The following SREBF1 variants were observed in gnomAD, a reference collection of about 807,000 sequenced individuals.
SREBF1 encodes sterol regulatory element binding transcription factor 1.
Under a neutral mutation model 100.1 loss-of-function variants are expected in SREBF1, and 45 were observed. That is an observed-to-expected ratio of 0.45 (90% CI 0.35 to 0.58). The LOEUF (loss-of-function observed/expected upper bound fraction) is 0.58. SREBF1 is among the 20% of genes least tolerant of loss of function. The pLI is 0.00. For synonymous variants in SREBF1, 657 were observed against 681.8 expected (o/e 0.96, Z 0.57); for missense variants, 1,324 against 1,539.4 (o/e 0.86, Z 2.34).
At chr17:17,834,025 C>CAGAGAG (rs113396102) in intron 1 of SREBF1, among the ~76,000 whole-genome samples, 67,359 of 146,978 alleles carry the variant, frequency 0.46, 16,894 homozygotes, top group Non-Finnish European at 0.6. Context: ...CATATAAACA[C>CAGAGAG]ACAGAGAGAG....
chr17:17,819,107 C>T lies in SREBF1; in HGVS notation c.974G>A (p.Arg325His), dbSNP rs535206411. ...CTTCTCAATGGCGTTGTGGGCTGTG[C>T]GCTTCTCTCCACGGCTCTGGGCAGA... is the stretch of plus-strand genomic sequence containing the variant. ...PASAQSRGEK[R>H]TAHNAIEKRY... The change falls in exon 5 of 19, where the codon CGC (arginine) becomes CAC (histidine). Residue 325 changes from arginine to histidine, a missense_variant. Physicochemically the swap from Arg to His is conservative, Grantham distance 29 (BLOSUM62 0). Transcript: ENST00000261646. The T allele has an allele frequency of 6.2e-6, 10 of 1,614,106 alleles. No individual in the cohort carries two copies. Among genetic ancestry groups the T allele is most frequent in the South Asian group, 1.1e-5 (1 of 91,084 alleles).
At chr17:17,830,018 C>G (rs1377922340) in intron 1 of SREBF1, among the ~76,000 whole-genome samples, 1 of 152,206 alleles carries the variant, frequency 6.6e-6, no homozygotes. Context: ...CCTAGTCAGC[C>G]CCATCCTGTC....
Position 17,811,926 on chromosome 17 carries a change from C to G in SREBF1, c.*696G>C. On this transcript the variant is annotated 3_prime_UTR_variant, in exon 19 of 19. Coordinates refer to ENST00000261646, the MANE Select transcript of SREBF1 (RefSeq NM_004176.5). ...ATACAGCCAGCCCTCCCCACTCCTC[C>G]CACTAACAAACAAACATCGGGAAGA... 2.2e-6 allele frequency: 1 copy of G among 446,854 alleles called. No individual in the cohort carries two copies. Among genetic ancestry groups the G allele is most frequent in the South Asian group, 1.6e-5 (1 of 62,940 alleles). 27.7% of individuals were successfully genotyped at this position (446,854 alleles called of 1,614,324 possible).
In SREBF1 at chr17:17,813,609, A is replaced by G; in HGVS notation, c.3062T>C (p.Leu1021Pro). 1.3e-6 allele frequency: 2 copies of G among 1,588,910 alleles called. No homozygotes were observed. Among genetic ancestry groups the G allele is most frequent in the Non-Finnish European group, 1.7e-6 (2 of 1,173,358 alleles). Residue 1021 changes from leucine to proline, a missense_variant, in exon 17 of 19, where the codon CTG (leucine) becomes CCG (proline). Coordinates refer to ENST00000261646, the MANE Select transcript of SREBF1 (RefSeq NM_004176.5). ...CCGGAAGCTCTGTGCCAGCCGCCTCAGGCTGCTCAGGTCCCGTTGGAAGCC... is the reference window on the plus strand; with the variant it reads ...CCGGAAGCTCTGTGCCAGCCGCCTCGGGCTGCTCAGGTCCCGTTGGAAGCC... Reference protein sequence around the residue: ...LRGFQRDLSSLRRLAQSFRPA... With the variant: ...LRGFQRDLSSPRRLAQSFRPA...
Position 17,814,944 on chromosome 17 carries a change from C to G in SREBF1, c.2493G>C (p.Lys831Asn), listed in dbSNP as rs754832342. Residue 831 changes from lysine to asparagine, a missense_variant and splice_region_variant, in exon 14 of 19, where the codon AAG becomes AAC. Physicochemically the swap from Lys to Asn is moderately conservative, Grantham distance 94 (BLOSUM62 0). Transcript: ENST00000261646. ...GGTACCCGAGGGCATCCGAGAATTCCCTGTGGAAGGAGAGAGCTGGCTGTC... is the reference window on the plus strand; with the variant it reads ...GGTACCCGAGGGCATCCGAGAATTCGCTGTGGAAGGAGAGAGCTGGCTGTC... ...NPSPGSADGD[K>N]EFSDALGYLQ... 14 of 1,562,464 alleles carry G rather than the reference C, an allele frequency of 9.0e-6. No homozygotes were observed. In the East Asian group the frequency reaches 3.3e-4, roughly 37 times the overall value.
rs2033514508 is a variant in SREBF1 at position 17,815,940 on chromosome 17, C to T, written c.2303G>A (p.Gly768Asp). 1.2e-6 allele frequency: 2 copies of T among 1,612,918 alleles called. No homozygotes were observed. Among genetic ancestry groups the T allele is most frequent in the Non-Finnish European group, 1.7e-6 (2 of 1,179,936 alleles). ...GTCCCCATCCACGAAGAAACGGTGG[C>T]CCACGGGGTGGCAGAGCCACTGCAT... ...PAMQWLCHPV[G>D]HRFFVDGDWS... The change falls in exon 12 of 19, where the codon GGC becomes GAC. Residue 768 changes from glycine to aspartate, a missense_variant. Physicochemically the swap from Gly to Asp is moderately conservative, Grantham distance 94. Transcript: ENST00000261646.
At chr17:17,821,143 C>CCA (rs1252420488) in intron 1 of SREBF1, among the ~76,000 whole-genome samples, 4 of 117,682 alleles carry the variant, frequency 3.4e-5, no homozygotes, top group African/African-American at 6.7e-5. Context: ...ACCTCTGAGT[C>CCA]CACACACATA....
chr17:17,815,715 C>T, intron 12 of SREBF1, 145 bp downstream of exon 12: 2 of 890,440 alleles, frequency 2.2e-6, no homozygotes, highest in South Asian at 3.2e-5. Flanking sequence ...CAGGCCTTTC[C>T]CTTCCTGCAA....
intron 16 of SREBF1, 103 bp from the exon 17 acceptor site, chr17:17,813,872 G>A (rs1296048342): frequency 8.3e-7 from 1 of 1,208,662 alleles, no homozygotes; most frequent in Non-Finnish European, 1.2e-6. Context: ...GCACTGCCGA[G>A]GCACTGCACC....
chr17:17,821,336 C>T (rs188036993), intron 1 of SREBF1, among the ~76,000 whole-genome samples: 138 of 152,300 alleles, frequency 9.1e-4, no homozygotes, highest in Non-Finnish European at 9.7e-4. Context: ...CCTGGCTCCA[C>T]TTGGGGCCTG....
intron 12 of SREBF1, 146 bp from the exon 13 acceptor site, chr17:17,815,475 CA>C (rs1330657730): frequency 1.5e-6 from 1 of 662,864 alleles, no homozygotes; most frequent in African/African-American, 1.8e-5. Context: ...CTGCCAAGGA[CA>C]GGGGAAAGCG....
intron 1 of SREBF1, among the ~76,000 whole-genome samples, chr17:17,828,440 C>T (rs1461041708): frequency 1.3e-5 from 2 of 152,244 alleles, no homozygotes; most frequent in African/African-American, 4.8e-5. Flanking sequence ...CGGAATTACC[C>T]TCAGCAGCAC....
intron 5 of SREBF1, 80 bp downstream of exon 5, chr17:17,818,933 C>T: frequency 6.7e-7 from 1 of 1,497,214 alleles, no homozygotes; most frequent in Non-Finnish European, 9.2e-7. Flanking sequence ...CAGTCTCACT[C>T]CCTCTCTTCC....
intron 1 of SREBF1, among the ~76,000 whole-genome samples, chr17:17,825,608 T>TC: frequency 7.0e-6 from 1 of 143,542 alleles, no homozygotes; most frequent in East Asian, 2.0e-4. Flanking sequence ...AATTTCTTTT[T>TC]TTTTTTTTTT....
At chr17:17,818,208 G>C in intron 6 of SREBF1, 52 bp downstream of exon 6, 1 of 1,518,726 alleles carries the variant, frequency 6.6e-7, no homozygotes, top group South Asian at 1.1e-5. Flanking sequence ...CCGGGAGGTG[G>C]AGCAAGGCTA....
intron 1 of SREBF1, among the ~76,000 whole-genome samples, chr17:17,831,240 A>G (rs965544625): frequency 5.3e-5 from 8 of 151,608 alleles, no homozygotes; most frequent in African/African-American, 1.9e-4. Flanking sequence ...GAACTGGGGC[A>G]TGAGATATCC....
chr17:17,819,013 C>T lies in SREBF1; in HGVS notation c.1068G>A (p.Lys356=). The T allele has an allele frequency of 6.2e-7, 1 of 1,612,834 alleles. No individual in the cohort carries two copies. Among genetic ancestry groups the T allele is most frequent in the Non-Finnish European group, 8.5e-7 (1 of 1,180,032 alleles). ...LKDLVVGTEA[K]LNKSAVLRKA... is the part of the protein sequence containing the mutation. ...TGTGCCCCTGCAGGCCTCTCCACAC[C>T]TTTGCCTCAGTGCCCACCACCAGAT... Residue 356 remains lysine, a splice_region_variant and synonymous_variant, in exon 5 of 19, where the codon AAG becomes AAA. Transcript: ENST00000261646.
At position 17,817,899 on chromosome 17, in the gene SREBF1, C is replaced by T. The variant is rs1307000870; in HGVS notation, c.1201G>A (p.Val401Met). 17 of 1,601,234 alleles carry T rather than the reference C, an allele frequency of 1.1e-5. No homozygotes were observed. The highest frequency in any genetic ancestry group is 1.4e-5 in the Non-Finnish European group (16 of 1,179,960). Reference protein sequence around the residue: ...VHKSKSLKDLVSACGSGGNTD... With the variant: ...VHKSKSLKDLMSACGSGGNTD... ...TTCCCTCCACTGCCACAGGCCGACA[C>T]CAGATCCTTCAGAGATTCTGTGGGC... The change falls in exon 7 of 19, where the codon GTG (valine) becomes ATG (methionine). Residue 401 changes from valine to methionine, a missense_variant. Physicochemically the swap from Val to Met is conservative, Grantham distance 21. Coordinates refer to ENST00000261646, the MANE Select transcript of SREBF1 (RefSeq NM_004176.5). The surrounding 1 kb of genome is among the most constrained non-coding windows in gnomAD (Gnocchi z 6.6).
chr17:17,813,792 G>A (rs1660183364), intron 16 of SREBF1, 23 bp from the exon 17 acceptor site: 2 of 1,534,782 alleles, frequency 1.3e-6, no homozygotes, highest in Admixed American at 2.0e-5. Flanking sequence ...GGCAGGGCAG[G>A]GGTCACCAGG....
Sources: gnomAD v4.1 joint callset for allele counts (sites outside exome capture counted in the v4.1 genomes callset) on GRCh38, gnomAD v4.1.1 for gene constraint, Gnocchi (gnomAD v3.1) non-coding constraint, MANE v1.5 for transcripts, NCBI Gene and HGNC (gene_info 2026-07-23, HGNC 2026-07-21) for gene names.